ACCSL: variants seen among roughly 807,000 people sequenced by gnomAD.
ACCSL encodes the protein probable inactive 1-aminocyclopropane-1-carboxylate synthase-like protein 2.
In ACCSL, 55 loss-of-function variants were observed where a neutral mutation model predicts 61.7. That is an observed-to-expected ratio of 0.89 (90% CI 0.72 to 1.12). ACCSL has a LOEUF of 1.12. ACCSL is among the 50% of genes most tolerant of loss of function. The probability of loss-of-function intolerance (pLI) is 0.00; values close to 1 mark genes in which losing one functional copy is unlikely to be tolerated. For missense variants in ACCSL, 632 were observed against 698.0 expected, an observed-to-expected ratio of 0.91 and a Z score of 1.07; for synonymous variants, 258 against 264.3, an observed-to-expected ratio of 0.98 and a Z score of 0.23.
At chr11:44,042,714 T>G in the ACCSL span, among the ~76,000 whole-genome samples, 1 of 152,024 alleles carries the variant, frequency 6.6e-6, no homozygotes, top group Non-Finnish European at 1.5e-5. Context: ...TATAAAATAA[T>G]TATGCAAATA....
chr11:44,040,436 A>C, the ACCSL span, among the ~76,000 whole-genome samples: 17 of 152,130 alleles, frequency 1.1e-4, no homozygotes, highest in Non-Finnish European at 2.4e-4. Context: ...TTTCTCTGTA[A>C]TGGGGCAAAG....
At chr11:44,056,107 T>G (rs1289627286) in intron 10 of ACCSL, 22 bp downstream of exon 10, 1 of 1,614,218 alleles carries the variant, frequency 6.2e-7, no homozygotes, top group Non-Finnish European at 8.5e-7. Flanking sequence ...CTTTCTCTCC[T>G]TGGCTAGGGA....
At chr11:44,027,288 T>C in the ACCSL span, among the ~76,000 whole-genome samples, 1 of 152,228 alleles carries the variant, frequency 6.6e-6, no homozygotes, top group East Asian at 1.9e-4. Flanking sequence ...GTGGGCCTTC[T>C]TAGATCTTTC....
At chr11:43,964,080 AAC>A in the ACCSL span, among the ~76,000 whole-genome samples, 2 of 151,292 alleles carry the variant, frequency 1.3e-5, no homozygotes, top group Non-Finnish European at 3.0e-5. Flanking sequence ...TTAAAAAAAA[AAC>A]AATTAATTAT....
chr11:43,997,925 G>A, the ACCSL span, among the ~76,000 whole-genome samples: 2 of 152,204 alleles, frequency 1.3e-5, no homozygotes, highest in Non-Finnish European at 2.9e-5. Context: ...AGAAGAGGTA[G>A]GAAACAGGTG....
the ACCSL span, among the ~76,000 whole-genome samples, chr11:44,035,936 T>TAAAAAAAAA: frequency 3.8e-5 from 3 of 79,066 alleles, no homozygotes; most frequent in Non-Finnish European, 7.3e-5. Flanking sequence ...AGACTCTGTG[T>TAAAAAAAAA]AAAAAAAAAA....
the ACCSL span, chr11:43,943,978 G>A: frequency 1.4e-6 from 1 of 730,946 alleles, no homozygotes; most frequent in Non-Finnish European, 1.9e-6. This position sits in a 1 kb window ranked among gnomAD's most constrained non-coding sequence, Gnocchi z 4.8. Context: ...GTCGGACCAG[G>A]GAGCCGGGAG....
intron 8 of ACCSL, among the ~76,000 whole-genome samples, chr11:44,053,895 C>T (rs902822036): frequency 1.3e-5 from 2 of 152,156 alleles, no homozygotes; most frequent in African/African-American, 4.8e-5. Context: ...TCTCACTATA[C>T]ACCATACTTT....
chr11:44,049,170 A>G (rs1952619575), intron 1 of ACCSL, among the ~76,000 whole-genome samples: 1 of 152,184 alleles, frequency 6.6e-6, no homozygotes, highest in South Asian at 2.1e-4. Flanking sequence ...CTGTAATCCC[A>G]GCACTTTGGG....
chr11:43,999,222 G>A, the ACCSL span, among the ~76,000 whole-genome samples: 14 of 152,142 alleles, frequency 9.2e-5, no homozygotes, highest in East Asian at 1.9e-4. Context: ...GCCAAGCCCC[G>A]CTCTAGGCAT....
At chr11:43,959,429 A>C in the ACCSL span, among the ~76,000 whole-genome samples, 1 of 152,254 alleles carries the variant, frequency 6.6e-6, no homozygotes, top group East Asian at 1.9e-4. Context: ...CCTTCCTTCC[A>C]AACCAGTGCA....
At chr11:44,041,330 C>T in the ACCSL span, among the ~76,000 whole-genome samples, 1 of 152,198 alleles carries the variant, frequency 6.6e-6, no homozygotes, top group South Asian at 2.1e-4. Context: ...AATGGGTCAG[C>T]TAGGTAGTCA....
At chr11:44,018,050 G>T in the ACCSL span, among the ~76,000 whole-genome samples, 2 of 152,164 alleles carry the variant, frequency 1.3e-5, no homozygotes, top group East Asian at 3.9e-4. Flanking sequence ...GTACACAGGA[G>T]CCAGGGATCC....
rs11037841 is a variant in ACCSL, at chr11:44,049,930, C to T, written c.505-132C>T. On this transcript the variant is annotated intron_variant, in intron 1 of 13. Transcript: ENST00000378832. ...TTGGGTTCATGGAAAGCTTTCCTAA[C>T]GTGTAAAGTTGTCAAATTTGGATTG... The T allele has an allele frequency of 7.0e-3, 8,394 of 1,207,326 alleles. 110 individuals are homozygous for T. The highest frequency in any genetic ancestry group is 0.045 in the East Asian group (1,835 of 41,190). The allele number at this position is 1,207,326 out of a possible 1,614,324, so 74.8% of individuals were successfully genotyped here.
chr11:44,035,906 C>T, the ACCSL span, among the ~76,000 whole-genome samples: 584 of 144,650 alleles, frequency 4.0e-3, 1 homozygote, highest in Non-Finnish European at 6.8e-3. Context: ...CCATTGCACT[C>T]CAGCCTGAGC....
At chr11:44,045,140 G>A (rs1952590825), upstream of ACCSL, among the ~76,000 whole-genome samples, 1 of 152,156 alleles carries the variant, frequency 6.6e-6, no homozygotes, top group African/African-American at 2.4e-5. Context: ...TTTGTTATCA[G>A]AGAACACATT....
chr11:43,923,483 C>G, the ACCSL span, among the ~76,000 whole-genome samples: 169 of 152,292 alleles, frequency 1.1e-3, no homozygotes, highest in Non-Finnish European at 1.8e-3. Flanking sequence ...TCAGAGGGAC[C>G]TGGTCTACAA....
intron 1 of ACCSL, 43 bp from the exon 2 acceptor site, chr11:44,050,019 G>A (rs767748158): frequency 1.2e-6 from 2 of 1,613,750 alleles, no homozygotes; most frequent in South Asian, 1.1e-5. Context: ...ATGTAGGGTG[G>A]AGCAAGAGGA....
chr11:44,042,554 G>A, the ACCSL span, among the ~76,000 whole-genome samples: 2 of 151,862 alleles, frequency 1.3e-5, no homozygotes, highest in Non-Finnish European at 1.5e-5. Flanking sequence ...AACTCCTCAA[G>A]CCATTCTCTT....
Sources: allele counts gnomAD v4.1 joint callset (sites outside exome capture counted in the v4.1 genomes callset), GRCh38; gene constraint gnomAD v4.1.1; non-coding constraint Gnocchi (gnomAD v3.1); transcripts MANE v1.5; gene names NCBI Gene and HGNC (gene_info 2026-07-23, HGNC 2026-07-21).